The following ALDH1L1 variants were observed in gnomAD, a reference collection of about 807,000 sequenced individuals.
The protein encoded by ALDH1L1 is aldehyde dehydrogenase 1 family member L1, also known as cytosolic 10-formyltetrahydrofolate dehydrogenase.
In ALDH1L1, 68 loss-of-function variants were observed where a neutral mutation model predicts 101.1. The ratio of observed to expected loss-of-function variants is 0.67; its 90% confidence interval spans 0.55 to 0.82. The LOEUF (loss-of-function observed/expected upper bound fraction) is 0.82. Ranked by LOEUF, ALDH1L1 falls within the 40% of genes least tolerant of loss-of-function variation. The pLI is 0.00. For missense variants in ALDH1L1, 1,087 were observed against 1,172.7 expected (o/e 0.93, Z 1.07); for synonymous variants, 486 against 470.8 (o/e 1.03, Z -0.42).
chr3:126,175,491 T>A (rs2081352160), intron 1 of ALDH1L1, among the ~76,000 whole-genome samples: 1 of 152,134 alleles, frequency 6.6e-6, no homozygotes, highest in African/African-American at 2.4e-5. Flanking sequence ...AATCCAACAA[T>A]GTTTAAAAAG....
intron 1 of ALDH1L1, among the ~76,000 whole-genome samples, chr3:126,169,744 A>C (rs2081237961): frequency 6.6e-6 from 1 of 152,234 alleles, no homozygotes; most frequent in Non-Finnish European, 1.5e-5. Context: ...AAGCTGATTT[A>C]AAAGGCCTAT....
At chr3:126,105,222 C>G (rs1186863920) in intron 22 of ALDH1L1, 1 of 228,618 alleles carries the variant, frequency 4.4e-6, no homozygotes, top group African/African-American at 2.2e-5. Flanking sequence ...AAGGATGCAA[C>G]CTGAGCCCCT....
At chr3:126,173,240 A>G (rs2081314187) in intron 1 of ALDH1L1, among the ~76,000 whole-genome samples, 1 of 152,198 alleles carries the variant, frequency 6.6e-6, no homozygotes, top group Admixed American at 6.5e-5. Flanking sequence ...TAATAATTGC[A>G]ACAATGTATT....
intron 5 of ALDH1L1, among the ~76,000 whole-genome samples, chr3:126,155,086 A>C (rs2080878506): frequency 6.6e-6 from 1 of 152,132 alleles, no homozygotes; most frequent in African/African-American, 2.4e-5. Flanking sequence ...CTTGCCTTGA[A>C]GACTGCTCGC....
Position 126,186,716 on chromosome 3 carries a change from G to A in ALDH1L1, c.-24+11019C>T, listed in dbSNP as rs555079597. Among the ~76,000 whole-genome samples, 36 of 152,324 alleles carry A rather than the reference G, an allele frequency of 2.4e-4. No individual in the cohort carries two copies. In the South Asian group the frequency reaches 2.5e-3, roughly 11 times the overall value. On this transcript the variant is annotated intron_variant, in intron 1 of 2. Transcript: ENST00000509952. ...GTCAGAGGTAGAGAGGCCTGGGGCTGCAGCCCTCCCAGGTCAGACTCCAAG... is the reference window on the plus strand; with the variant it reads ...GTCAGAGGTAGAGAGGCCTGGGGCTACAGCCCTCCCAGGTCAGACTCCAAG...
Position 126,131,435 on chromosome 3 carries a change from G to A in ALDH1L1, c.1572C>T (p.Gly524=). The change falls in exon 13 of 23, where the codon GGC becomes GGT. Residue 524 remains glycine, a synonymous_variant. Coordinates refer to ENST00000393434, the MANE Select transcript of ALDH1L1 (RefSeq NM_012190.4). ...VYTLALKTHV[G]MSIQTFRYFA... is the part of the protein sequence containing the mutation. ...AGTAGCGGAAGGTCTGGATGGACAT[G>A]CCCACGTGGGTCTTCAGGGCCAGCG... 1 of 1,613,302 alleles carries A rather than the reference G, an allele frequency of 6.2e-7. No individual in the cohort carries two copies. The highest frequency in any genetic ancestry group is 8.5e-7 in the Non-Finnish European group (1 of 1,179,304).
At chr3:126,162,233 G>A (rs1418440996) in intron 1 of ALDH1L1, among the ~76,000 whole-genome samples, 1 of 152,154 alleles carries the variant, frequency 6.6e-6, no homozygotes, top group Non-Finnish European at 1.5e-5. Flanking sequence ...TGTACTTAGG[G>A]TGGAATTCCT....
chr3:126,174,132 G>A (rs530227132), intron 1 of ALDH1L1, among the ~76,000 whole-genome samples: 1 of 152,236 alleles, frequency 6.6e-6, no homozygotes, highest in African/African-American at 2.4e-5. Context: ...TCCGCCTCCC[G>A]GGTTCAAGCA....
At chr3:126,139,453 C>T (rs74341244) in intron 9 of ALDH1L1, among the ~76,000 whole-genome samples, 533 of 152,202 alleles carry the variant, frequency 3.5e-3, no homozygotes, top group African/African-American at 0.012. Context: ...CGAATTACCA[C>T]AACATAACAC....
chr3:126,105,540 C>A, intron 22 of ALDH1L1, 186 bp downstream of exon 22: 1 of 701,216 alleles, frequency 1.4e-6, no homozygotes, highest in Non-Finnish European at 2.5e-6. Context: ...CAGCACGACC[C>A]CCCTCTGCAA....
At position 126,106,150 on chromosome 3, in the gene ALDH1L1, G is replaced by A. The variant is rs150564471; in HGVS notation, c.2454-225C>T. Among the ~76,000 whole-genome samples, 365 of 152,328 alleles carry A rather than the reference G, an allele frequency of 2.4e-3. 2 individuals are homozygous for A. The highest frequency in any genetic ancestry group is 2.2e-3 in the Non-Finnish European group (153 of 68,028). ...CCACCACAGGGGCTCCTGGATCATC[G>A]GGTGAGCCCTTTATTCCACAGACTG... is the stretch of plus-strand genomic sequence containing the variant. On this transcript the variant is annotated intron_variant, in intron 21 of 22. Coordinates refer to ENST00000393434, the MANE Select transcript of ALDH1L1 (RefSeq NM_012190.4).
chr3:126,137,058 C>T (rs74407707), intron 10 of ALDH1L1, among the ~76,000 whole-genome samples, 175 bp from the exon 11 acceptor site: 6,852 of 152,266 alleles, frequency 0.045, 498 homozygotes, highest in African/African-American at 0.16. Context: ...GGCCAGGCTG[C>T]CTGGCGGGAG....
intron 13 of ALDH1L1, among the ~76,000 whole-genome samples, chr3:126,130,818 C>T (rs1486833263): frequency 1.3e-5 from 2 of 152,242 alleles, no homozygotes; most frequent in African/African-American, 4.8e-5. Context: ...CAAATGGCCC[C>T]CAAGTTCCAC....
At chr3:126,149,332 C>A (rs1434548219) in intron 8 of ALDH1L1, among the ~76,000 whole-genome samples, 1 of 152,196 alleles carries the variant, frequency 6.6e-6, no homozygotes, top group African/African-American at 2.4e-5. Context: ...GCTTGTTATT[C>A]CCATTTTACA....
chr3:126,117,926 A>C, intron 17 of ALDH1L1, 79 bp downstream of exon 17: 1 of 1,370,924 alleles, frequency 7.3e-7, no homozygotes, highest in Non-Finnish European at 1.0e-6. Flanking sequence ...GAAGCAGGAC[A>C]CAGCTCCTGG....
chr3:126,154,488 G>T, intron 6 of ALDH1L1, 66 bp downstream of exon 6: 1 of 1,489,766 alleles, frequency 6.7e-7, no homozygotes, highest in South Asian at 1.1e-5. Context: ...AAACATGTGT[G>T]ACAGTTTAAT....
chr3:126,196,407 G>GGGTCTCT (rs2081582436), intron 1 of ALDH1L1, among the ~76,000 whole-genome samples: 1 of 150,426 alleles, frequency 6.6e-6, no homozygotes, highest in Admixed American at 6.6e-5. Context: ...TTCCAAAATG[G>GGGTCTCT]GGTCTCTGGC....
In ALDH1L1 at chr3:126,131,622, G is replaced by A. The variant is rs2080309773; in HGVS notation, c.1473-88C>T. On this transcript the variant is annotated intron_variant, in intron 12 of 22. Transcript: ENST00000393434. ...CAAGGCCCTTCTTCAAGGAGCTGGG[G>A]TCCTGCCCTCTACCCCAGTTCTGCC... 30 of 1,442,820 alleles carry A rather than the reference G, an allele frequency of 2.1e-5. No individual in the cohort carries two copies. The South Asian group carries it at 4.0e-4, about 19-fold the overall frequency. The allele number at this position is 1,442,820 out of a possible 1,614,324, so 89.4% of individuals were successfully genotyped here. A position where few individuals can be genotyped will look rare whatever the true frequency, so the allele number is the denominator to read the frequency against.
chr3:126,132,867 G>T (rs751994957), intron 12 of ALDH1L1, among the ~76,000 whole-genome samples: 7 of 152,150 alleles, frequency 4.6e-5, no homozygotes, highest in Non-Finnish European at 1.0e-4. Context: ...TCTCTGCAGC[G>T]CCCAGCTCCA....
Sources: allele counts gnomAD v4.1 joint callset (sites outside exome capture counted in the v4.1 genomes callset), GRCh38; gene constraint gnomAD v4.1.1; transcripts MANE v1.5; gene names NCBI Gene and HGNC (gene_info 2026-07-23, HGNC 2026-07-21).